The following ENTPD6 variants were observed in gnomAD, a reference collection of about 807,000 sequenced individuals.
ENTPD6 encodes ectonucleoside triphosphate diphosphohydrolase 6, also known as CD39 antigen-like 2.
Under a neutral mutation model 61.5 loss-of-function variants are expected in ENTPD6, and 46 were observed. That is an observed-to-expected ratio of 0.75 (90% CI 0.59 to 0.96). ENTPD6 has a LOEUF of 0.96. Among genes scored for constraint, ENTPD6 ranks in the 40% least tolerant of loss-of-function variants. The probability of loss-of-function intolerance (pLI) is 0.00; values close to 1 mark genes in which losing one functional copy is unlikely to be tolerated. For synonymous variants in ENTPD6, 252 were observed against 255.5 expected, an observed-to-expected ratio of 0.99 and a Z score of 0.13; for missense variants, 612 against 629.0, an observed-to-expected ratio of 0.97 and a Z score of 0.29.
At chr20:25,212,362 G>A (rs550807346) in intron 4 of ENTPD6, among the ~76,000 whole-genome samples, 22 of 152,288 alleles carry the variant, frequency 1.4e-4, no homozygotes, top group African/African-American at 4.8e-4. Context: ...GAGCTGAGGC[G>A]CACCTGAGAT....
Position 25,206,141 on chromosome 20 carries a change from T to G in ENTPD6, c.-15-381T>G, listed in dbSNP as rs1236622873. Among the ~76,000 whole-genome samples, 10 of 152,350 alleles carry G rather than the reference T, an allele frequency of 6.6e-5. No homozygotes were observed. In the East Asian group the frequency reaches 1.9e-3, roughly 29 times the overall value. On this transcript the variant is annotated intron_variant, in intron 1 of 14. Coordinates refer to ENST00000376652, the MANE Select transcript of ENTPD6 (RefSeq NM_001247.5). The stretch of plus-strand genomic sequence containing the variant: ...AGCAGCCCCACCTTGCAGATGAAAC[T>G]GGCCCCCTTGAGGGGCATGTTGCCC...
chr20:25,205,717 C>T (rs1326227355), intron 1 of ENTPD6, among the ~76,000 whole-genome samples: 1 of 152,216 alleles, frequency 6.6e-6, no homozygotes, highest in Admixed American at 6.5e-5. Context: ...TCTCCTGCTC[C>T]AGTGTGGGTG....
chr20:25,196,896 G>T (rs984203402), intron 1 of ENTPD6, among the ~76,000 whole-genome samples: 5 of 152,126 alleles, frequency 3.3e-5, no homozygotes, highest in African/African-American at 1.2e-4. Context: ...GCCTCCTGAA[G>T]GTTCGGGTAA....
intron 1 of ENTPD6, among the ~76,000 whole-genome samples, chr20:25,206,067 C>A (rs997908051): frequency 6.6e-6 from 1 of 152,272 alleles, no homozygotes; most frequent in African/African-American, 2.4e-5. Flanking sequence ...TTCCCTGCAG[C>A]CTGTTCTGAG....
intron 9 of ENTPD6, 141 bp downstream of exon 9, chr20:25,217,722 C>T (rs2092396656): frequency 2.9e-6 from 2 of 698,578 alleles, no homozygotes; most frequent in African/African-American, 1.8e-5. Flanking sequence ...CTCTCTCCTC[C>T]TCCTCCTTCT....
At position 25,227,415 on chromosome 20, in the gene ENTPD6, G is replaced by A. The variant is rs1408006169; in HGVS notation, c.*1818G>A. Among the ~76,000 whole-genome samples, 2 of 152,214 alleles carry A rather than the reference G, an allele frequency of 1.3e-5. No homozygotes were observed. Among genetic ancestry groups the A allele is most frequent in the Non-Finnish European group, 2.9e-5 (2 of 68,040 alleles). On this transcript the variant is annotated 3_prime_UTR_variant, in exon 15 of 15. Coordinates refer to ENST00000376652, the MANE Select transcript of ENTPD6 (RefSeq NM_001247.5). ...TTTGGTCCATTTAAAGAAGGTCGGTGACCTCATGCCTGAAAAAGGCAAACA... is the reference window on the plus strand; with the variant it reads ...TTTGGTCCATTTAAAGAAGGTCGGTAACCTCATGCCTGAAAAAGGCAAACA...
rs1280085236 is a variant in ENTPD6, at chr20:25,221,463, T to C, written c.1045+130T>C. On this transcript the variant is annotated intron_variant, in intron 11 of 14. Transcript: ENST00000376652. ...GACCTCTCTTTGAAGAGCCTGTACC[T>C]GCCCTGGAAGTGAAGGTGGTTTGGC... 3 of 751,908 alleles carry C rather than the reference T, an allele frequency of 4.0e-6. No homozygotes were observed. The South Asian group carries it at 4.4e-5, about 11-fold the overall frequency. 46.6% of individuals were successfully genotyped at this position (751,908 alleles called of 1,614,324 possible). A position where few individuals can be genotyped will look rare whatever the true frequency, so the allele number is the denominator to read the frequency against.
At chr20:25,203,525 C>T (rs892067507) in intron 1 of ENTPD6, among the ~76,000 whole-genome samples, 2 of 152,150 alleles carry the variant, frequency 1.3e-5, no homozygotes, top group Non-Finnish European at 2.9e-5. Flanking sequence ...ATTCTTCTAC[C>T]GACTCAAATC....
chr20:25,208,360 C>T (rs1439891752), intron 3 of ENTPD6, among the ~76,000 whole-genome samples: 1 of 152,212 alleles, frequency 6.6e-6, no homozygotes, highest in Non-Finnish European at 1.5e-5. Context: ...GCAGGAGAAT[C>T]GCTTGAACCT....
rs1389004462 is a variant in ENTPD6, at chr20:25,222,827, CTTGTCCCCAGCGGCA to C, written c.1046-10_1050del. ...GAGCCCACTGACCGCTAGCCTTGTGCTTGTCCCCAGCGGCAAGCCTGCACGAGCTGTGTGCTGCCA... is the reference window on the plus strand; with the variant it reads ...GAGCCCACTGACCGCTAGCCTTGTGCAGCCTGCACGAGCTGTGTGCTGCCA... On this transcript the variant is annotated splice_acceptor_variant and splice_polypyrimidine_tract_variant and coding_sequence_variant and intron_variant, in exon 12 of 15. Transcript: ENST00000376652. LOFTEE classifies it high-confidence loss of function. 1 of 1,613,206 alleles carries C rather than the reference CTTGTCCCCAGCGGCA, an allele frequency of 6.2e-7. No individual in the cohort carries two copies. The highest frequency in any genetic ancestry group is 1.1e-5 in the South Asian group (1 of 91,014).
rs1171239000 is a variant in ENTPD6, at chr20:25,227,036, A to G, written c.*1439A>G. Among the ~76,000 whole-genome samples the G allele has an allele frequency of 6.6e-6, 1 of 152,250 alleles. No individual in the cohort carries two copies. The highest frequency in any genetic ancestry group is 6.5e-5 in the Admixed American group (1 of 15,292). ...TGCAAGTCCCCATGTCATTCTGTTCAGCAAGGATCTGGTTTTGGTCTGGAA... is the reference window on the plus strand; with the variant it reads ...TGCAAGTCCCCATGTCATTCTGTTCGGCAAGGATCTGGTTTTGGTCTGGAA... On this transcript the variant is annotated 3_prime_UTR_variant, in exon 15 of 15. Transcript: ENST00000376652.
chr20:25,207,456 C>T (rs980552898), intron 3 of ENTPD6, 59 bp downstream of exon 3: 57 of 1,437,456 alleles, frequency 4.0e-5, no homozygotes, highest in East Asian at 2.1e-4. Flanking sequence ...CAGTGTTGGC[C>T]GGGTCCCCTG....
intron 1 of ENTPD6, among the ~76,000 whole-genome samples, chr20:25,198,192 T>C (rs1361071251): frequency 1.3e-5 from 2 of 152,200 alleles, no homozygotes; most frequent in Non-Finnish European, 2.9e-5. Flanking sequence ...GATTTGATTA[T>C]GGGCCAGGTG....
intron 8 of ENTPD6, 137 bp from the exon 9 acceptor site, chr20:25,217,365 G>C (rs1201239233): frequency 3.9e-6 from 3 of 766,536 alleles, no homozygotes; most frequent in Admixed American, 2.2e-5. Context: ...CTCCTGTCTC[G>C]CAGCCAGCGA....
chr20:25,215,763 G>C, intron 7 of ENTPD6, 52 bp downstream of exon 7: 1 of 1,563,812 alleles, frequency 6.4e-7, no homozygotes, highest in Non-Finnish European at 8.8e-7. Flanking sequence ...ACCTGCGGAG[G>C]GCTCGACTGG....
intron 1 of ENTPD6, chr20:25,197,209 C>G: frequency 4.1e-6 from 4 of 985,458 alleles, no homozygotes; most frequent in Non-Finnish European, 4.8e-6. Context: ...CATCAGATGG[C>G]CCCTGTATTT....
At chr20:25,199,477 G>T (rs11699400) in intron 1 of ENTPD6, among the ~76,000 whole-genome samples, 43,533 of 151,882 alleles carry the variant, frequency 0.29, 7,091 homozygotes, top group East Asian at 0.61. Context: ...AGCCATTGAA[G>T]GATTTTAGAA....
intron 4 of ENTPD6, 103 bp from the exon 5 acceptor site, chr20:25,213,160 C>A: frequency 7.4e-7 from 1 of 1,354,890 alleles, no homozygotes; most frequent in Non-Finnish European, 1.0e-6. Context: ...CACAGTGAGA[C>A]TCTGTCTCCA....
intron 2 of ENTPD6, 42 bp from the exon 3 acceptor site, chr20:25,207,034 C>G (rs201325750): frequency 6.5e-7 from 1 of 1,545,730 alleles, no homozygotes; most frequent in Admixed American, 1.8e-5. Context: ...TGGATCCTAG[C>G]ACCCTAACGT....
Sources: allele counts gnomAD v4.1 joint callset (sites outside exome capture counted in the v4.1 genomes callset), GRCh38; gene constraint gnomAD v4.1.1; transcripts MANE v1.5; gene names NCBI Gene and HGNC (gene_info 2026-07-23, HGNC 2026-07-21).